RBAK: variants seen among roughly 807,000 people sequenced by gnomAD.
RBAK encodes the protein RB-associated KRAB zinc finger protein.
A neutral mutation model predicts 65.8 loss-of-function variants in RBAK; 39 were observed. The observed-to-expected ratio is 0.59, with a 90% CI of 0.46 to 0.77. RBAK has a LOEUF of 0.77. Ranked by LOEUF, RBAK falls within the 30% of genes least tolerant of loss-of-function variation. The pLI is 0.00. For missense variants in RBAK, 884 were observed against 855.1 expected (o/e 1.03, Z -0.42); for synonymous variants, 343 against 289.7 (o/e 1.18, Z -1.87).
chr7:5,046,476 C>T, intron 1 of RBAK, 80 bp downstream of exon 1: 1 of 437,350 alleles, frequency 2.3e-6, no homozygotes, highest in Non-Finnish European at 4.5e-6. Flanking sequence ...GAGTGTGGGG[C>T]AGGGGGAGGG....
At chr7:5,049,239 G>A (rs1788062935) in intron 2 of RBAK, among the ~76,000 whole-genome samples, 1 of 152,184 alleles carries the variant, frequency 6.6e-6, no homozygotes, top group Non-Finnish European at 1.5e-5. Flanking sequence ...CAGAGGGCCT[G>A]CCTGCTGCCC....
At position 5,045,879 on chromosome 7, in the gene RBAK, C is replaced by T. The variant is rs532029435; in HGVS notation, c.-562C>T. ...CGCTGCACTGCCCTCGCTTCCTGTG[C>T]GTCCTCAGGTCACCGCTTGCTCTAG... is the stretch of plus-strand genomic sequence containing the variant. On this transcript the variant is annotated 5_prime_UTR_variant, in exon 1 of 5. Transcript: ENST00000396912. 1.5e-5 allele frequency: 5 copies of T among 342,780 alleles called. No homozygotes were observed. The highest frequency in any genetic ancestry group is 2.9e-4 in the East Asian group (2 of 6,860). 21.2% of individuals were successfully genotyped at this position (342,780 alleles called of 1,614,324 possible).
chr7:5,055,246 A>ATGTG lies in RBAK; in HGVS notation c.16-2018_16-2015dup, dbSNP rs71535173. Among the ~76,000 whole-genome samples the ATGTG allele has an allele frequency of 3.8e-3, 564 of 147,006 alleles. 2 individuals carry two copies. Among genetic ancestry groups the ATGTG allele is most frequent in the South Asian group, 5.6e-3 (25 of 4,486 alleles). On this transcript the variant is annotated intron_variant, in intron 2 of 4. Transcript: ENST00000396912. ...TTGGACCGAGAAGACTGAGGCATAA[A>ATGTG]TGTGTGTGTGTGTGTGTGTGTGTGT...
Position 5,065,090 on chromosome 7 carries a change from GAA to G in RBAK, c.1636_1637del (p.Lys546ValfsTer4), listed in dbSNP as rs746796795. On this transcript the variant is annotated frameshift_variant, in exon 5 of 5. Transcript: ENST00000396912. LOFTEE classifies it high-confidence loss of function. The surrounding 1 kb of genome is among the most constrained non-coding windows in gnomAD (Gnocchi z 5.3). The stretch of plus-strand genomic sequence containing the variant: ...AAATCCTATGAATGTAATGTATGTG[GAA>G]AGTTATTCAATGAGTTGTCATACTA... 7 of 1,613,986 alleles carry G rather than the reference GAA, an allele frequency of 4.3e-6. No individual in the cohort carries two copies. In the South Asian group the frequency reaches 7.7e-5, roughly 18 times the overall value.
At chr7:5,058,020 T>C (rs1247130715) in intron 4 of RBAK, among the ~76,000 whole-genome samples, 1 of 152,134 alleles carries the variant, frequency 6.6e-6, no homozygotes, top group Non-Finnish European at 1.5e-5. Context: ...TCCAGCATTA[T>C]TGGTAACTTA....
At chr7:5,055,201 G>A (rs1385131374) in intron 2 of RBAK, among the ~76,000 whole-genome samples, 2 of 151,548 alleles carry the variant, frequency 1.3e-5, no homozygotes, top group African/African-American at 4.9e-5. Context: ...GTTTTTCCCT[G>A]TTAAGTAAAA....
At position 5,066,782 on chromosome 7, in the gene RBAK, T is replaced by C. The variant is rs976618163; in HGVS notation, c.*1181T>C. On this transcript the variant is annotated 3_prime_UTR_variant, in exon 5 of 5. Coordinates refer to ENST00000396912, the MANE Select transcript of RBAK (RefSeq NM_021163.4). ...GAATCCTGATTAGTCAAAATAATAATGATTTCATTCTCTTTGCCAGTAACT... is the reference window on the plus strand; with the variant it reads ...GAATCCTGATTAGTCAAAATAATAACGATTTCATTCTCTTTGCCAGTAACT... 6.6e-6 allele frequency: 1 copy of C among 152,208 alleles called. No homozygotes were observed. The highest frequency in any genetic ancestry group is 1.9e-4 in the East Asian group (1 of 5,208). The allele number at this position is 152,208 out of a possible 1,614,324, so 9.4% of individuals were successfully genotyped here.
rs774984931 is a variant in RBAK at position 5,057,773 on chromosome 7, A to C, written c.232A>C (p.Ser78Arg). The C allele has an allele frequency of 1.2e-6, 2 of 1,613,812 alleles. No homozygotes were observed. The highest frequency in any genetic ancestry group is 1.7e-6 in the Non-Finnish European group (2 of 1,179,840). Residue 78 changes from serine (S) to arginine (R), a missense_variant, in exon 4 of 5, where the codon AGT becomes CGT. By Grantham distance (110) the Ser-to-Arg change is moderately radical. Transcript: ENST00000396912. The part of the protein sequence containing the change: ...IMGGEFPCQH[S>R]PEAWRVDDLI... ...GGGAGGTGAATTTCCATGTCAACAT[A>C]GTCCAGGTAAGTTAGTAGCGTATCA...
Position 5,064,172 on chromosome 7 carries a change from G to A in RBAK, c.716G>A (p.Gly239Glu). ...GEKPYEWNDS[G>E]PDFIQMSNFN... ...AAGCCCTATGAGTGGAATGATTCTGGACCAGACTTCATACAGATGTCAAAT... is the reference window on the plus strand; with the variant it reads ...AAGCCCTATGAGTGGAATGATTCTGAACCAGACTTCATACAGATGTCAAAT... Residue 239 changes from glycine (G) to glutamate (E), a missense_variant, in exon 5 of 5, where the codon GGA becomes GAA. Coordinates refer to ENST00000396912, the MANE Select transcript of RBAK (RefSeq NM_021163.4). This position sits in a 1 kb window ranked among gnomAD's most constrained non-coding sequence, Gnocchi z 6.3. 1 of 1,613,874 alleles carries A rather than the reference G, an allele frequency of 6.2e-7. No homozygotes were observed. Among genetic ancestry groups the A allele is most frequent in the Non-Finnish European group, 8.5e-7 (1 of 1,179,942 alleles).
At chr7:5,051,332 A>T (rs548084233) in intron 2 of RBAK, among the ~76,000 whole-genome samples, 29 of 152,244 alleles carry the variant, frequency 1.9e-4, no homozygotes, top group African/African-American at 6.3e-4. Flanking sequence ...ATATACATAT[A>T]TGTGTGTACA....
intron 1 of RBAK, among the ~76,000 whole-genome samples, chr7:5,047,191 G>A (rs375400824): frequency 6.6e-6 from 1 of 152,150 alleles, no homozygotes; most frequent in South Asian, 2.1e-4. Flanking sequence ...CTTGAGACCA[G>A]GAGTTAGAGA....
rs1408975759 is a variant in RBAK, at chr7:5,063,957, A to G, written c.501A>G (p.Glu167=). Residue 167 remains glutamate, a synonymous_variant, in exon 5 of 5, where the codon GAA becomes GAG. Coordinates refer to ENST00000396912, the MANE Select transcript of RBAK (RefSeq NM_021163.4). ...YARTKPDECN[E]CGKTYHGEKM... is the part of the protein sequence containing the mutation. ...GGACAAAACCTGATGAGTGTAATGA[A>G]TGTGGGAAAACATATCATGGAGAGA... The G allele has an allele frequency of 6.2e-7, 1 of 1,613,952 alleles. No homozygotes were observed. Among genetic ancestry groups the G allele is most frequent in the Non-Finnish European group, 8.5e-7 (1 of 1,179,998 alleles).
chr7:5,050,946 A>C (rs1034726177), intron 2 of RBAK, among the ~76,000 whole-genome samples: 1 of 152,202 alleles, frequency 6.6e-6, no homozygotes, highest in Admixed American at 6.5e-5. Context: ...AGTTTCTAAA[A>C]TGTTGAGTAG....
Position 5,065,436 on chromosome 7 carries a change from T to C in RBAK, c.1980T>C (p.Phe660=), listed in dbSNP as rs748701541. 2.5e-6 allele frequency: 4 copies of C among 1,613,788 alleles called. No individual in the cohort carries two copies. Among genetic ancestry groups the C allele is most frequent in the East Asian group, 2.2e-5 (1 of 44,864 alleles). Residue 660 remains phenylalanine (F), a synonymous_variant, in exon 5 of 5, where the codon TTT becomes TTC. Transcript: ENST00000396912. This position sits in a 1 kb window ranked among gnomAD's most constrained non-coding sequence, Gnocchi z 5.3. ...PYECNECGKV[F]SQKSYLTVHY... ...AATGTAATGAATGTGGGAAAGTCTTTTCTCAGAAGTCATACCTCACTGTAC... is the reference window on the plus strand; with the variant it reads ...AATGTAATGAATGTGGGAAAGTCTTCTCTCAGAAGTCATACCTCACTGTAC...
intron 4 of RBAK, among the ~76,000 whole-genome samples, chr7:5,063,464 CTTAA>C (rs1474060596): frequency 7.3e-6 from 1 of 136,160 alleles, no homozygotes; most frequent in East Asian, 2.6e-4. Context: ...ACTGTCTCAC[CTTAA>C]TTCTTTCACT....
In RBAK at chr7:5,065,177, A is replaced by G. The variant is rs1278021469; in HGVS notation, c.1721A>G (p.Lys574Arg). The G allele has an allele frequency of 1.2e-6, 2 of 1,613,628 alleles. No homozygotes were observed. The highest frequency in any genetic ancestry group is 1.7e-6 in the Non-Finnish European group (2 of 1,179,898). ...EKPYGCSECG[K>R]TFSHNSSLFR... ...CCTTATGGATGTAGCGAATGTGGGA[A>G]AACCTTTTCCCATAATTCATCCCTC... The change falls in exon 5 of 5, where the codon AAA (lysine) becomes AGA (arginine). Residue 574 changes from lysine to arginine, a missense_variant. Coordinates refer to ENST00000396912, the MANE Select transcript of RBAK (RefSeq NM_021163.4). This position sits in a 1 kb window ranked among gnomAD's most constrained non-coding sequence, Gnocchi z 5.3.
rs780810062 is a variant in RBAK, at chr7:5,065,558, A to G, written c.2102A>G (p.His701Arg). ...GCCTTCAATAGCCATCAGAGAATTC[A>G]TAGAAGAGGAAATATGAACGTACTT... The part of the protein sequence containing the change: ...RSAFNSHQRI[H>R]RRGNMNVLDV... Residue 701 changes from histidine to arginine, a missense_variant, in exon 5 of 5, where the codon CAT (histidine) becomes CGT (arginine). By Grantham distance (29) the His-to-Arg change is conservative. Coordinates refer to ENST00000396912, the MANE Select transcript of RBAK (RefSeq NM_021163.4). This position sits in a 1 kb window ranked among gnomAD's most constrained non-coding sequence, Gnocchi z 5.3. 3 of 1,556,752 alleles carry G rather than the reference A, an allele frequency of 1.9e-6. No individual in the cohort carries two copies. The highest frequency in any genetic ancestry group is 2.3e-5 in the East Asian group (1 of 44,344).
chr7:5,048,091 G>A lies in RBAK; in HGVS notation c.15G>A (p.Gln5=), dbSNP rs1788034266. The change falls in exon 2 of 5, where the codon CAG becomes CAA. Residue 5 remains glutamine (Q), a splice_region_variant and synonymous_variant. Coordinates refer to ENST00000396912, the MANE Select transcript of RBAK (RefSeq NM_021163.4). This position sits in a 1 kb window ranked among gnomAD's most constrained non-coding sequence, Gnocchi z 4.4. The part of the protein sequence containing the change: MNTL[Q]GPVSFKDVAV... ...AGCAGCAGAAAATGAACACATTGCAGGTGAGTTTTCATGCTTGTGTATATG... is the reference window on the plus strand; with the variant it reads ...AGCAGCAGAAAATGAACACATTGCAAGTGAGTTTTCATGCTTGTGTATATG... The A allele has an allele frequency of 8.2e-6, 13 of 1,594,414 alleles. No individual in the cohort carries two copies. Among genetic ancestry groups the A allele is most frequent in the Non-Finnish European group, 1.1e-5 (13 of 1,172,288 alleles).
At chr7:5,063,042 C>CT (rs1336201965) in intron 4 of RBAK, among the ~76,000 whole-genome samples, 1 of 152,122 alleles carries the variant, frequency 6.6e-6, no homozygotes, top group African/African-American at 2.4e-5. Context: ...TCCTCCTCAG[C>CT]TGATTAAGAG....
Sources: allele counts gnomAD v4.1 joint callset (sites outside exome capture counted in the v4.1 genomes callset), GRCh38; gene constraint gnomAD v4.1.1; non-coding constraint Gnocchi (gnomAD v3.1); transcripts MANE v1.5; gene names NCBI Gene and HGNC (gene_info 2026-07-23, HGNC 2026-07-21).